Variants in VPS35 observed in about 807,000 individuals in gnomAD.
VPS35 encodes the protein VPS35 retromer complex component.
In VPS35, 21 loss-of-function variants were observed where a neutral mutation model predicts 98.1. The ratio of observed to expected loss-of-function variants is 0.21; its 90% CI spans 0.15 to 0.31. The LOEUF (loss-of-function observed/expected upper bound fraction) is 0.31, where lower values mean the gene tolerates loss of function less well. Ranked by LOEUF, VPS35 falls within the 10% of genes least tolerant of loss-of-function variation. The pLI, the probability that VPS35 is intolerant of heterozygous loss-of-function variation, is 1.00. For missense variants in VPS35, 554 were observed against 950.8 expected (o/e 0.58, Z 5.49); for synonymous variants, 268 against 318.2 (o/e 0.84, Z 1.68).
At chr16:46,667,128 T>C (rs1044190703) in intron 13 of VPS35, among the ~76,000 whole-genome samples, 6 of 152,210 alleles carry the variant, frequency 3.9e-5, no homozygotes, top group African/African-American at 1.4e-4. Context: ...TGCCAACACT[T>C]GATTTTCTGT....
chr16:46,678,843 G>T, intron 6 of VPS35, 100 bp downstream of exon 6: 1 of 1,244,044 alleles, frequency 8.0e-7, no homozygotes, highest in Non-Finnish European at 1.1e-6. Flanking sequence ...ATTTTAAGAT[G>T]TTTTTCAATG....
chr16:46,667,137 G>GT (rs1352118386), intron 13 of VPS35, among the ~76,000 whole-genome samples: 1 of 152,020 alleles, frequency 6.6e-6, no homozygotes, highest in Non-Finnish European at 1.5e-5. Flanking sequence ...TTGATTTTCT[G>GT]TTTTTTTGAT....
chr16:46,685,564 C>T (rs2143009338), intron 1 of VPS35, among the ~76,000 whole-genome samples: 1 of 152,276 alleles, frequency 6.6e-6, no homozygotes, highest in East Asian at 1.9e-4. Flanking sequence ...ATCTTTTAAA[C>T]TTCACTTAAA....
chr16:46,666,677 G>T (rs1567263513), intron 13 of VPS35, among the ~76,000 whole-genome samples: 1 of 152,178 alleles, frequency 6.6e-6, no homozygotes, highest in Non-Finnish European at 1.5e-5. Flanking sequence ...TTGCCTTTCT[G>T]TGTTTGGCTT....
intron 8 of VPS35, among the ~76,000 whole-genome samples, chr16:46,675,010 TA>T (rs1966125349): frequency 3.7e-4 from 55 of 150,388 alleles, no homozygotes; most frequent in African/African-American, 5.7e-4. Flanking sequence ...CCCAGGGTGG[TA>T]CTGACCTGGA....
intron 12 of VPS35, among the ~76,000 whole-genome samples, chr16:46,669,668 A>G (rs1966040197): frequency 6.8e-6 from 1 of 147,592 alleles, no homozygotes; most frequent in Non-Finnish European, 1.5e-5. Flanking sequence ...TTCCATCTCA[A>G]AAAAAAAAAA....
At chr16:46,688,203 C>G (rs547398394) in intron 1 of VPS35, 1 of 594,086 alleles carries the variant, frequency 1.7e-6, no homozygotes, top group African/African-American at 2.0e-5. Context: ...AGAAGCCTAT[C>G]TACACAGAGT....
chr16:46,664,627 T>C (rs1965962546), intron 13 of VPS35, among the ~76,000 whole-genome samples: 1 of 151,992 alleles, frequency 6.6e-6, no homozygotes, highest in South Asian at 2.1e-4. Context: ...GTTCAAGTGA[T>C]TCTCCTGCCT....
chr16:46,688,371 A>G, intron 1 of VPS35: 1 of 987,108 alleles, frequency 1.0e-6, no homozygotes, highest in Non-Finnish European at 1.2e-6. Flanking sequence ...TTTACCGGCC[A>G]ACAGCCACAC....
chr16:46,660,750 C>A, intron 16 of VPS35, 99 bp from the exon 17 acceptor site: 5 of 679,872 alleles, frequency 7.4e-6, no homozygotes, highest in Non-Finnish European at 1.2e-5. Flanking sequence ...TTACACTCAT[C>A]AATTACCTGA....
intron 1 of VPS35, 149 bp downstream of exon 1, chr16:46,688,982 G>T: frequency 3.3e-6 from 5 of 1,528,826 alleles, no homozygotes; most frequent in Non-Finnish European, 4.4e-6. Flanking sequence ...TCCTCCTGCT[G>T]TCCCCTATCC....
rs1458125555 is a variant in VPS35 at position 46,668,943 on chromosome 16, T to A, written c.1634A>T (p.Glu545Val). ...AAGTAAACTCACCACTTTAGAATTC[T>A]CTTTATATCGAAAAGCCAGCTGGTA... ...AAYQLAFRYKENSKVDDKWEK... is the reference protein window; with the variant it reads ...AAYQLAFRYKVNSKVDDKWEK... The change falls in exon 13 of 17, where the codon GAG becomes GTG. Residue 545 changes from glutamate (E) to valine (V), a missense_variant. Coordinates refer to ENST00000299138, the MANE Select transcript of VPS35 (RefSeq NM_018206.6). The A allele has an allele frequency of 6.2e-7, 1 of 1,614,180 alleles. No individual in the cohort carries two copies. Among genetic ancestry groups the A allele is most frequent in the Non-Finnish European group, 8.5e-7 (1 of 1,180,032 alleles).
intron 10 of VPS35, among the ~76,000 whole-genome samples, chr16:46,672,769 T>C (rs1219207555): frequency 2.0e-5 from 3 of 152,256 alleles, no homozygotes; most frequent in African/African-American, 7.2e-5. Flanking sequence ...TTTGATGACA[T>C]TTCTAAGGGA....
chr16:46,660,940 GT>G, intron 16 of VPS35: 1 of 428,146 alleles, frequency 2.3e-6, no homozygotes, highest in Non-Finnish European at 4.4e-6. Flanking sequence ...GAAGTCAGGA[GT>G]TTTGAGACCA....
intron 1 of VPS35, chr16:46,688,384 C>G: frequency 1.0e-6 from 1 of 987,076 alleles, no homozygotes; most frequent in Non-Finnish European, 1.2e-6. Flanking sequence ...AGCCACACCA[C>G]GATTTGCTGC....
intron 1 of VPS35, among the ~76,000 whole-genome samples, chr16:46,685,393 C>A (rs1966295078): frequency 6.6e-6 from 1 of 152,142 alleles, no homozygotes; most frequent in African/African-American, 2.4e-5. Flanking sequence ...AAATTGAAAA[C>A]TTTCTCTTGT....
chr16:46,678,045 T>C (rs1596721462), intron 6 of VPS35, among the ~76,000 whole-genome samples: 1 of 152,328 alleles, frequency 6.6e-6, no homozygotes, highest in Admixed American at 6.5e-5. Flanking sequence ...TGTACTTTTA[T>C]CAAAAATAAC....
At chr16:46,683,733 T>A (rs1966269009) in intron 1 of VPS35, 127 bp from the exon 2 acceptor site, 7 of 876,406 alleles carry the variant, frequency 8.0e-6, no homozygotes, top group Non-Finnish European at 1.2e-5. Context: ...ATTTACCAAA[T>A]TTTTTTTTTG....
Position 46,665,914 on chromosome 16 carries a change from T to C in VPS35, c.1648-2752A>G, listed in dbSNP as rs138068385. Among the ~76,000 whole-genome samples, 521 of 151,884 alleles carry C rather than the reference T, an allele frequency of 3.4e-3. 5 individuals carry two copies. The highest frequency in any genetic ancestry group is 0.017 in the Middle Eastern group (5 of 294). On this transcript the variant is annotated intron_variant, in intron 13 of 16. Transcript: ENST00000299138. ...CAAGCTGTCCTCCTGCCCTAGCCTCTTTTTTTTGAGACAGAGTCTCACTTT... is the reference window on the plus strand; with the variant it reads ...CAAGCTGTCCTCCTGCCCTAGCCTCCTTTTTTTGAGACAGAGTCTCACTTT...
Sources: gnomAD v4.1 joint callset for allele counts (sites outside exome capture counted in the v4.1 genomes callset) on GRCh38, gnomAD v4.1.1 for gene constraint, MANE v1.5 for transcripts, NCBI Gene and HGNC (gene_info 2026-07-23, HGNC 2026-07-21) for gene names.